The following PBRM1 variants were observed in gnomAD, a reference collection of about 807,000 sequenced individuals.
The protein encoded by PBRM1 is polybromo 1, also known as protein polybromo-1.
A neutral mutation model predicts 194.5 loss-of-function variants in PBRM1; 27 were observed. The observed-to-expected ratio is 0.14, with a 90% CI of 0.10 to 0.19. PBRM1 has a LOEUF of 0.19. Among genes scored for constraint, PBRM1 ranks in the 10% least tolerant of loss-of-function variants. PBRM1 has a pLI of 1.00. For synonymous variants in PBRM1, 655 were observed against 693.2 expected, an observed-to-expected ratio of 0.94 and a Z score of 0.87; for missense variants, 1,466 against 2,077.2, an observed-to-expected ratio of 0.71 and a Z score of 5.72.
chr3:52,548,826 C>T (rs1278581078), intron 29 of PBRM1, among the ~76,000 whole-genome samples: 3 of 152,216 alleles, frequency 2.0e-5, no homozygotes, highest in Middle Eastern at 3.4e-3. Flanking sequence ...GGAAAATATA[C>T]CTTCTACTCT....
At chr3:52,656,221 C>T (rs2096604834) in intron 5 of PBRM1, among the ~76,000 whole-genome samples, 1 of 152,078 alleles carries the variant, frequency 6.6e-6, no homozygotes, top group Admixed American at 6.5e-5. Context: ...GTCTAGAAAA[C>T]CTCTTCTTTT....
chr3:52,641,997 T>C lies in PBRM1; in HGVS notation c.1044A>G (p.Ala348=), dbSNP rs571535938. Reference sequence around the variant, plus strand: ...CTTCACTTTCTGAGCCATATTGAAGTGCCATTGTAATTGCTGATAAACGAC... The same window carrying C: ...CTTCACTTTCTGAGCCATATTGAAGCGCCATTGTAATTGCTGATAAACGAC... The change falls in exon 10 of 30, where the codon GCA becomes GCG. Residue 348 remains alanine, a synonymous_variant. Coordinates refer to ENST00000296302, the Ensembl canonical transcript of PBRM1. 6 of 1,609,314 alleles carry C rather than the reference T, an allele frequency of 3.7e-6. No homozygotes were observed. In the South Asian group the frequency reaches 5.5e-5, roughly 15 times the overall value.
At position 52,556,326 on chromosome 3, in the gene PBRM1, AT is replaced by A. The variant is rs60961535; in HGVS notation, c.4454-1448del. ...TCTATACATAAGATTATGAGTTTTC[AT>A]TTTTTTTTAAATGAAGAGTTCAGAA... On this transcript the variant is annotated intron_variant, in intron 26 of 29. Transcript: ENST00000296302. Among the ~76,000 whole-genome samples, 193 of 151,574 alleles carry A rather than the reference AT, an allele frequency of 1.3e-3. 3 individuals carry two copies. In the South Asian group the frequency reaches 0.037, roughly 29 times the overall value.
intron 16 of PBRM1, among the ~76,000 whole-genome samples, chr3:52,608,292 T>C (rs1242148945): frequency 1.3e-5 from 2 of 152,164 alleles, no homozygotes; most frequent in Non-Finnish European, 2.9e-5. Context: ...GTTGTAAGAC[T>C]ATGGGTAACT....
intron 2 of PBRM1, among the ~76,000 whole-genome samples, chr3:52,672,931 T>C (rs910444563): frequency 1.6e-4 from 24 of 152,208 alleles, no homozygotes; most frequent in Non-Finnish European, 2.9e-5. Flanking sequence ...ACTGATCCCT[T>C]TTAACTATCA....
chr3:52,648,313 AAACAACAAC>A (rs752396114), intron 7 of PBRM1, 22 bp downstream of exon 8: 8 of 1,253,164 alleles, frequency 6.4e-6, no homozygotes, highest in African/African-American at 6.0e-5. Flanking sequence ...TTACCAAGGA[AAACAACAAC>A]AACAACAACA....
chr3:52,649,590 G>A (rs781052816), intron 6 of PBRM1, among the ~76,000 whole-genome samples: 2 of 152,140 alleles, frequency 1.3e-5, no homozygotes, highest in Non-Finnish European at 2.9e-5. Flanking sequence ...ACATTTCTAT[G>A]AGCTATCCAA....
chr3:52,637,773 CAAAAAA>C (rs755241328), intron 10 of PBRM1, among the ~76,000 whole-genome samples: 23 of 42,234 alleles, frequency 5.4e-4, no homozygotes, highest in East Asian at 2.4e-3. Flanking sequence ...ACTAAAAATA[CAAAAAA>C]AAAAAAAAAA....
chr3:52,663,749 G>A (rs1478093706), intron 3 of PBRM1, among the ~76,000 whole-genome samples: 1 of 152,144 alleles, frequency 6.6e-6, no homozygotes, highest in African/African-American at 2.4e-5. Flanking sequence ...AAACAGGTGT[G>A]TTAAAAATGT....
exon 23 of PBRM1, chr3:52,564,054 A>T: frequency 6.2e-7 from 1 of 1,603,488 alleles, no homozygotes; most frequent in Non-Finnish European, 8.5e-7. Context: ...CTTTACCTGA[A>T]GTAGTAAATT....
intron 7 of PBRM1, 33 bp downstream of exon 8, chr3:52,648,311 G>A (rs749817001): frequency 6.2e-5 from 77 of 1,240,096 alleles, no homozygotes; most frequent in Non-Finnish European, 1.4e-5. Flanking sequence ...TATTACCAAG[G>A]AAAACAACAA....
At chr3:52,639,004 G>T (rs1257984484) in intron 10 of PBRM1, among the ~76,000 whole-genome samples, 6 of 126,746 alleles carry the variant, frequency 4.7e-5, no homozygotes, top group Admixed American at 8.0e-5. Context: ...GGGGGCGGGG[G>T]ACAAAGTTTT....
chr3:52,595,713 G>T (rs2093477054), intron 17 of PBRM1, among the ~76,000 whole-genome samples: 1 of 152,158 alleles, frequency 6.6e-6, no homozygotes, highest in Non-Finnish European at 1.5e-5. Flanking sequence ...GGTTGCCTGT[G>T]CCTGTGGGGA....
intron 8 of PBRM1, among the ~76,000 whole-genome samples, chr3:52,644,243 A>G (rs768172302): frequency 5.3e-5 from 8 of 152,178 alleles, no homozygotes; most frequent in Non-Finnish European, 8.8e-5. Context: ...CTTCAGCAGC[A>G]AAGGTGCTAA....
chr3:52,672,003 A>T (rs1367483177), intron 2 of PBRM1, among the ~76,000 whole-genome samples: 1 of 152,240 alleles, frequency 6.6e-6, no homozygotes, highest in Non-Finnish European at 1.5e-5. Flanking sequence ...TTCAGGGCTT[A>T]AAACAAAACC....
At chr3:52,571,854 CCCAAAAAAAAAAAAA>C (rs1315110491) in intron 22 of PBRM1, among the ~76,000 whole-genome samples, 29 of 36,668 alleles carry the variant, frequency 7.9e-4, no homozygotes, top group Admixed American at 5.1e-3. Context: ...ACCTCATCTC[CCCAAAAAAAAAAAAA>C]AAAAAAAAAA....
intron 11 of PBRM1, among the ~76,000 whole-genome samples, chr3:52,629,779 A>C (rs2095559045): frequency 6.6e-6 from 1 of 152,230 alleles, no homozygotes; most frequent in Non-Finnish European, 1.5e-5. Context: ...ACAGACTTTA[A>C]ATCTTTTGAT....
intron 26 of PBRM1, among the ~76,000 whole-genome samples, chr3:52,557,404 AG>A (rs2082442923): frequency 6.6e-6 from 1 of 152,246 alleles, no homozygotes; most frequent in Non-Finnish European, 1.5e-5. Flanking sequence ...CCTGTGAAAG[AG>A]GTCAGACTGC....
intron 10 of PBRM1, among the ~76,000 whole-genome samples, chr3:52,637,584 G>A (rs936948941): frequency 2.0e-5 from 3 of 151,734 alleles, no homozygotes; most frequent in Non-Finnish European, 4.4e-5. Flanking sequence ...AGTGAGCTGA[G>A]ATCACGCCAC....
Sources: gnomAD v4.1 joint callset for allele counts (sites outside exome capture counted in the v4.1 genomes callset) on GRCh38, gnomAD v4.1.1 for gene constraint, MANE v1.5 for transcripts, NCBI Gene and HGNC (gene_info 2026-07-23, HGNC 2026-07-21) for gene names.